The following CTR9 variants were observed in gnomAD, a reference collection of about 807,000 sequenced individuals.
CTR9 encodes the protein CTR9 component of Paf1/RNA polymerase II complex.
In CTR9, 41 loss-of-function variants were observed where a neutral mutation model predicts 152.1. The observed-to-expected ratio is 0.27, with a 90% CI of 0.21 to 0.35. The LOEUF is 0.35. Ranked by LOEUF, CTR9 falls within the 10% of genes least tolerant of loss-of-function variation. The probability of loss-of-function intolerance (pLI) is 1.00; values close to 1 mark genes in which losing one functional copy is unlikely to be tolerated. For synonymous variants in CTR9, 476 were observed against 496.2 expected (o/e 0.96, Z 0.54); for missense variants, 917 against 1,424.4 (o/e 0.64, Z 5.73).
intron 12 of CTR9, among the ~76,000 whole-genome samples, chr11:10,765,367 G>A (rs543848792): frequency 6.6e-6 from 1 of 152,002 alleles, no homozygotes; most frequent in African/African-American, 2.4e-5. Flanking sequence ...TTATTTGTGT[G>A]TATGAGGGTT....
At chr11:10,755,843 T>C (rs756927479) in intron 4 of CTR9, 48 bp downstream of exon 4, 2 of 1,113,556 alleles carry the variant, frequency 1.8e-6, no homozygotes, top group Non-Finnish European at 2.7e-6. Context: ...TTTCAGCATA[T>C]GCCTAGAATA....
At chr11:10,778,308 T>C (rs995201721) in intron 24 of CTR9, among the ~76,000 whole-genome samples, 14 of 152,226 alleles carry the variant, frequency 9.2e-5, no homozygotes, top group African/African-American at 3.1e-4. Context: ...GGATTTCACC[T>C]TTGTTGCTGT....
intron 7 of CTR9, among the ~76,000 whole-genome samples, 162 bp downstream of exon 7, chr11:10,762,216 T>C (rs564982201): frequency 6.6e-6 from 1 of 152,346 alleles, no homozygotes; most frequent in East Asian, 1.9e-4. Flanking sequence ...TACCTACATT[T>C]GTTTATTCAT....
intron 2 of CTR9, 96 bp downstream of exon 2, chr11:10,752,866 T>C: frequency 1.1e-6 from 1 of 921,798 alleles, no homozygotes; most frequent in South Asian, 1.4e-5. Context: ...GGCTGCATGG[T>C]AGATTAGTTA....
At chr11:10,752,510 C>T (rs1292726110) in intron 1 of CTR9, among the ~76,000 whole-genome samples, 162 bp from the exon 2 acceptor site, 7 of 152,150 alleles carry the variant, frequency 4.6e-5, no homozygotes, top group African/African-American at 1.7e-4. Flanking sequence ...ATAACCTATT[C>T]GTCATGTGCT....
At chr11:10,772,302 C>T (rs552490732) in intron 19 of CTR9, among the ~76,000 whole-genome samples, 7 of 151,868 alleles carry the variant, frequency 4.6e-5, no homozygotes, top group East Asian at 3.9e-4. Flanking sequence ...TGCGGTGAGC[C>T]GAGATGGCAC....
In CTR9 at chr11:10,773,843, C is replaced by A. The variant is rs7104045; in HGVS notation, c.2728-169C>A. 0.034 allele frequency among the ~76,000 whole-genome samples: 5,072 copies of A among 150,466 alleles called. 282 individuals carry two copies. The highest frequency in any genetic ancestry group is 0.11 in the African/African-American group (4,632 of 40,628). On this transcript the variant is annotated intron_variant, in intron 21 of 24. Coordinates refer to ENST00000361367, the MANE Select transcript of CTR9 (RefSeq NM_014633.5). ...GAGGTTGCAGTGAGCCGAGATTGCC[C>A]CACTGCACTCTCGCCTGGGCAAAAG...
intron 6 of CTR9, 119 bp downstream of exon 6, chr11:10,760,440 ACC>A: frequency 1.0e-6 from 1 of 969,306 alleles, no homozygotes. Flanking sequence ...ACAGAAGGGT[ACC>A]TGTACTTTGT....
In CTR9 at chr11:10,767,763, A is replaced by G. The variant is rs981177333; in HGVS notation, c.1687-43A>G. ...GTGGGAAGATGATTGATCTCTGTCA[A>G]ACTAAACTGCAGATTTTCCTTCTTC... On this transcript the variant is annotated intron_variant, in intron 13 of 24. Coordinates refer to ENST00000361367, the MANE Select transcript of CTR9 (RefSeq NM_014633.5). The surrounding 1 kb of genome is among the most constrained non-coding windows in gnomAD (Gnocchi z 4.0). 1 of 1,572,188 alleles carries G rather than the reference A, an allele frequency of 6.4e-7. No individual in the cohort carries two copies. Among genetic ancestry groups the G allele is most frequent in the East Asian group, 2.2e-5 (1 of 44,708 alleles).
At chr11:10,761,902 T>C in intron 6 of CTR9, 45 bp from the exon 7 acceptor site, 1 of 1,281,016 alleles carries the variant, frequency 7.8e-7, no homozygotes, top group Non-Finnish European at 1.1e-6. Context: ...AAAGTGCTAA[T>C]TTAGTATTGT....
In CTR9 at chr11:10,751,401, T is replaced by G; in HGVS notation, c.-12T>G. 1 of 1,612,494 alleles carries G rather than the reference T, an allele frequency of 6.2e-7. No individual in the cohort carries two copies. The highest frequency in any genetic ancestry group is 1.7e-5 in the Admixed American group (1 of 60,028). On this transcript the variant is annotated 5_prime_UTR_variant, in exon 1 of 25. Transcript: ENST00000361367. The stretch of plus-strand genomic sequence containing the variant: ...GGCGGGGCGAGACACTTGCTCGCCT[T>G]TTGACCCCATCATGTCGCGGGGCTC...
At chr11:10,769,380 T>C (rs556273546) in intron 16 of CTR9, among the ~76,000 whole-genome samples, 1 of 152,202 alleles carries the variant, frequency 6.6e-6, no homozygotes, top group East Asian at 1.9e-4. Flanking sequence ...CTGTGGGATA[T>C]ATTATGGTCA....
At chr11:10,765,623 G>A (rs905114713) in intron 12 of CTR9, among the ~76,000 whole-genome samples, 4 of 152,002 alleles carry the variant, frequency 2.6e-5, no homozygotes, top group African/African-American at 7.2e-5. Flanking sequence ...GACTACGTCC[G>A]ACTAATTTTT....
chr11:10,758,761 C>G (rs544054888), intron 5 of CTR9, among the ~76,000 whole-genome samples: 1 of 152,062 alleles, frequency 6.6e-6, no homozygotes, highest in Admixed American at 6.5e-5. Flanking sequence ...GAAATAAGAT[C>G]CCCCTCACAT....
Position 10,766,590 on chromosome 11 carries a change from G to T in CTR9, c.1686+100G>T, listed in dbSNP as rs549223270. On this transcript the variant is annotated intron_variant, in intron 13 of 24. Transcript: ENST00000361367. ...TTAATGGCTACATCTTCCTGGTTTTGTCATTTTTTGTTTTGTTTTCATTTA... is the reference window on the plus strand; with the variant it reads ...TTAATGGCTACATCTTCCTGGTTTTTTCATTTTTTGTTTTGTTTTCATTTA... 1.6e-5 allele frequency: 13 copies of T among 803,148 alleles called. No homozygotes were observed. In the African/African-American group the frequency reaches 1.8e-4, roughly 11 times the overall value. The allele number at this position is 803,148 out of a possible 1,614,324, so 49.8% of individuals were successfully genotyped here.
In CTR9 at chr11:10,767,902, C is replaced by T; in HGVS notation, c.1783C>T (p.Pro595Ser). Residue 595 changes from proline (P) to serine (S), a missense_variant, in exon 14 of 25, where the codon CCA becomes TCA. Around this residue, in one of 9 missense-constraint regions of CTR9, gnomAD observed 87 missense variants for 235.7 expected, o/e 0.37. Coordinates refer to ENST00000361367, the MANE Select transcript of CTR9 (RefSeq NM_014633.5). This position sits in a 1 kb window ranked among gnomAD's most constrained non-coding sequence, Gnocchi z 4.0. The stretch of plus-strand genomic sequence containing the variant: ...GAAGTTTGAGAGGATATTAAAACAG[C>T]CATCCACACAGAGTGATACCTATTC... ...QKKFERILKQ[P>S]STQSDTYSML... is the part of the protein sequence containing the mutation. 1 of 1,614,044 alleles carries T rather than the reference C, an allele frequency of 6.2e-7. No individual in the cohort carries two copies.
At chr11:10,769,675 G>C (rs1240393636) in intron 16 of CTR9, among the ~76,000 whole-genome samples, 3 of 152,138 alleles carry the variant, frequency 2.0e-5, no homozygotes, top group African/African-American at 7.2e-5. Context: ...CATGAAAAAG[G>C]TCTTACCTAT....
At chr11:10,772,465 G>C in intron 19 of CTR9, 55 bp from the exon 20 acceptor site, 4 of 1,326,680 alleles carry the variant, frequency 3.0e-6, no homozygotes, top group Non-Finnish European at 3.9e-6. Flanking sequence ...TAGATGTGCT[G>C]AGTTTTTTAA....
At chr11:10,753,160 T>A (rs889589471) in intron 2 of CTR9, among the ~76,000 whole-genome samples, 1 of 152,214 alleles carries the variant, frequency 6.6e-6, no homozygotes, top group Non-Finnish European at 1.5e-5. Context: ...TATTCTAGAA[T>A]GTGATTAGGT....
Sources: gnomAD v4.1 joint callset for allele counts (sites outside exome capture counted in the v4.1 genomes callset) on GRCh38, gnomAD v4.1.1 for gene constraint, gnomAD v4.1.1 regional missense constraint, Gnocchi (gnomAD v3.1) non-coding constraint, MANE v1.5 for transcripts, NCBI Gene and HGNC (gene_info 2026-07-23, HGNC 2026-07-21) for gene names.